MED1: variants seen among roughly 807,000 people sequenced by gnomAD.
MED1 encodes the protein mediator complex subunit 1.
Under a neutral mutation model 121.3 loss-of-function variants are expected in MED1, and 17 were observed. The ratio of observed to expected loss-of-function variants is 0.14; its 90% confidence interval spans 0.10 to 0.21. The LOEUF (loss-of-function observed/expected upper bound fraction) is 0.21, where lower values mean the gene tolerates loss of function less well. Among genes scored for constraint, MED1 ranks in the 10% least tolerant of loss-of-function variants. The pLI, the probability that MED1 is intolerant of heterozygous loss-of-function variation, is 1.00. For missense variants in MED1, 1,558 were observed against 1,919.4 expected (o/e 0.81, Z 3.52); for synonymous variants, 661 against 694.4 (o/e 0.95, Z 0.76).
chr17:39,423,278 G>C, intron 13 of MED1, 49 bp downstream of exon 13: 2 of 1,320,164 alleles, frequency 1.5e-6, no homozygotes, highest in Non-Finnish European at 2.2e-6. Context: ...TTATGATCTT[G>C]GGTCCAAACA....
chr17:39,430,990 G>T, intron 9 of MED1, 125 bp downstream of exon 9: 3 of 856,176 alleles, frequency 3.5e-6, no homozygotes, highest in Non-Finnish European at 5.6e-6. Flanking sequence ...CTGCACTCCA[G>T]CCTGGGCAAC....
chr17:39,415,224 T>C lies in MED1; in HGVS notation c.1393+20A>G, dbSNP rs1301407914. 7 of 1,605,878 alleles carry C rather than the reference T, an allele frequency of 4.4e-6. No homozygotes were observed. Among genetic ancestry groups the C allele is most frequent in the African/African-American group, 4.0e-5 (3 of 74,766 alleles). On this transcript the variant is annotated intron_variant, in intron 15 of 16. Transcript: ENST00000300651. ...GACCAAACCGCTCCATGAGAGGTGTTAGCCACCCACACAACTCACCACACA... is the reference window on the plus strand; with the variant it reads ...GACCAAACCGCTCCATGAGAGGTGTCAGCCACCCACACAACTCACCACACA...
chr17:39,437,025 C>T (rs763318855), intron 6 of MED1, among the ~76,000 whole-genome samples: 4 of 152,100 alleles, frequency 2.6e-5, no homozygotes, highest in South Asian at 2.1e-4. Context: ...CTCTGCCTCC[C>T]GGGTTCAAGC....
At chr17:39,418,306 A>G (rs1265498572) in intron 14 of MED1, among the ~76,000 whole-genome samples, 2 of 152,018 alleles carry the variant, frequency 1.3e-5, no homozygotes, top group Non-Finnish European at 2.9e-5. Flanking sequence ...TGGGAGGCCT[A>G]GTCAAGAGGA....
In MED1 at chr17:39,442,463, G is replaced by A. The variant is rs1268448443; in HGVS notation, c.211+1087C>T. ...ATACAAAACATTAGCCAGGCGTGGT[G>A]GGACGCGCCTGTAGTCCCAGCTGCT... On this transcript the variant is annotated intron_variant, in intron 3 of 16. Coordinates refer to ENST00000300651, the MANE Select transcript of MED1 (RefSeq NM_004774.4). Among the ~76,000 whole-genome samples the A allele has an allele frequency of 2.0e-4, 30 of 150,472 alleles. 1 individual carries two copies. Among genetic ancestry groups the A allele is most frequent in the Non-Finnish European group, 4.4e-5 (3 of 67,872 alleles).
At chr17:39,423,573 A>G (rs557367653) in intron 12 of MED1, 124 bp downstream of exon 12, 5 of 1,468,838 alleles carry the variant, frequency 3.4e-6, no homozygotes, top group African/African-American at 1.4e-5. Flanking sequence ...ACAAAGCACT[A>G]TAACATCTTT....
chr17:39,405,095 AG>A lies in MED1; in HGVS notation c.*2379del, dbSNP rs2048292670. The stretch of plus-strand genomic sequence containing the variant: ...TTGAAACAGAAGAATGAGTACACCT[AG>A]ACAGGAGGGAGGTGTCCCAGGCTTG... On this transcript the variant is annotated 3_prime_UTR_variant, in exon 17 of 17. Transcript: ENST00000300651. 2 of 1,054,328 alleles carry A rather than the reference AG, an allele frequency of 1.9e-6. No individual in the cohort carries two copies. Among genetic ancestry groups the A allele is most frequent in the Non-Finnish European group, 2.6e-6 (2 of 757,504 alleles). The allele number at this position is 1,054,328 out of a possible 1,614,324, so 65.3% of individuals were successfully genotyped here. A position where few individuals can be genotyped will look rare whatever the true frequency, so the allele number is the denominator to read the frequency against.
In MED1 at chr17:39,406,586, T is replaced by C. The variant is rs951174240; in HGVS notation, c.*889A>G. The C allele has an allele frequency of 5.1e-6, 5 of 975,038 alleles. No homozygotes were observed. In the East Asian group the frequency reaches 5.8e-4, roughly 113 times the overall value. The allele number at this position is 975,038 out of a possible 1,614,324, so 60.4% of individuals were successfully genotyped here. On this transcript the variant is annotated 3_prime_UTR_variant, in exon 17 of 17. Transcript: ENST00000300651. ...TTTTTTTTTTTTTTTGAAAGGAAAA[T>C]GAGATTACAAGTCAATACCTCCACA...
At chr17:39,425,907 C>A (rs2048510718) in intron 10 of MED1, among the ~76,000 whole-genome samples, 1 of 152,000 alleles carries the variant, frequency 6.6e-6, no homozygotes, top group South Asian at 2.1e-4. Flanking sequence ...CCAAAAACAT[C>A]ATTTTTGAAG....
Position 39,409,942 on chromosome 17 carries a change from T to C in MED1, c.2279A>G (p.Gln760Arg), listed in dbSNP as rs895625518. The change falls in exon 17 of 17, where the codon CAA becomes CGA. Residue 760 changes from glutamine to arginine, a missense_variant. Physicochemically the swap from Gln to Arg is conservative, Grantham distance 43. Transcript: ENST00000300651. ...TTYPQPVPHPQPSIQRMVRLS... is the reference protein window; with the variant it reads ...TTYPQPVPHPRPSIQRMVRLS... The stretch of plus-strand genomic sequence containing the variant: ...TCGGACCATCCTTTGAATACTGGGT[T>C]GGGGGTGAGGTACTGGTTGTGGGTA... The C allele has an allele frequency of 1.2e-6, 2 of 1,613,878 alleles. No homozygotes were observed. The highest frequency in any genetic ancestry group is 1.7e-5 in the Admixed American group (1 of 59,960).
intron 16 of MED1, among the ~76,000 whole-genome samples, chr17:39,411,692 A>G (rs1410772576): frequency 6.6e-6 from 1 of 151,606 alleles, no homozygotes; most frequent in East Asian, 2.0e-4. Context: ...AATTTATTTT[A>G]ATTAAGGAAC....
At chr17:39,438,971 A>C (rs554869651) in intron 6 of MED1, among the ~76,000 whole-genome samples, 194 bp downstream of exon 6, 36 of 152,274 alleles carry the variant, frequency 2.4e-4, no homozygotes, top group Middle Eastern at 6.8e-3. Flanking sequence ...AAAACAAAAA[A>C]ACCCTGGGAT....
At chr17:39,441,421 T>C (rs1400327403) in intron 3 of MED1, among the ~76,000 whole-genome samples, 1 of 152,180 alleles carries the variant, frequency 6.6e-6, no homozygotes, top group Non-Finnish European at 1.5e-5. Flanking sequence ...TACTGAACTA[T>C]ACACTTAGAA....
At chr17:39,434,582 CTCTT>C (rs776896308) in intron 6 of MED1, among the ~76,000 whole-genome samples, 11 of 152,302 alleles carry the variant, frequency 7.2e-5, no homozygotes, top group Non-Finnish European at 1.3e-4. Flanking sequence ...TGGGCAAAAT[CTCTT>C]TACCAGGTGT....
rs1430313267 is a variant in MED1, at chr17:39,408,480, T to A, written c.3741A>T (p.Ser1247=). 1.2e-6 allele frequency: 2 copies of A among 1,614,196 alleles called. No homozygotes were observed. Among genetic ancestry groups the A allele is most frequent in the Admixed American group, 3.3e-5 (2 of 60,012 alleles). ...TSSSSGMKSS[S]GLGSSGSLSQ... ...ACAACGAGCCTGAGGATCCTAACCC[T>A]GAAGATGACTTCATGCCAGAGCTTG... The change falls in exon 17 of 17, where the codon TCA becomes TCT. Residue 1247 remains serine, a synonymous_variant. Transcript: ENST00000300651. This position sits in a 1 kb window ranked among gnomAD's most constrained non-coding sequence, Gnocchi z 4.7.
chr17:39,409,921 A>G lies in MED1; in HGVS notation c.2300T>C (p.Val767Ala), dbSNP rs768393783. Reference sequence around the variant, plus strand: ...AATGCTGTCTGAACTGGATAGTCGGACCATCCTTTGAATACTGGGTTGGGG... The same window carrying G: ...AATGCTGTCTGAACTGGATAGTCGGGCCATCCTTTGAATACTGGGTTGGGG... ...PHPQPSIQRM[V>A]RLSSSDSIGP... is the part of the protein sequence containing the mutation. The change falls in exon 17 of 17, where the codon GTC (valine) becomes GCC (alanine). Residue 767 changes from valine to alanine, a missense_variant. Val to Ala is a moderately conservative substitution (Grantham distance 64). Transcript: ENST00000300651. The G allele has an allele frequency of 1.2e-6, 2 of 1,613,994 alleles. No homozygotes were observed. Among genetic ancestry groups the G allele is most frequent in the Non-Finnish European group, 1.7e-6 (2 of 1,179,998 alleles).
Position 39,442,513 on chromosome 17 carries a change from C to T in MED1, c.211+1037G>A, listed in dbSNP as rs374774771. Among the ~76,000 whole-genome samples the T allele has an allele frequency of 4.1e-5, 6 of 147,902 alleles. No individual in the cohort carries two copies. The East Asian group carries it at 1.2e-3, about 30-fold the overall frequency. On this transcript the variant is annotated intron_variant, in intron 3 of 16. Coordinates refer to ENST00000300651, the MANE Select transcript of MED1 (RefSeq NM_004774.4). ...TTGGGAGGCTGAGCCAGGAGAATCGCTTGAACCCAGGAGGTGGAGGTTGCA... is the reference window on the plus strand; with the variant it reads ...TTGGGAGGCTGAGCCAGGAGAATCGTTTGAACCCAGGAGGTGGAGGTTGCA...
At position 39,407,432 on chromosome 17, in the gene MED1, G is replaced by C. The variant is rs529645957; in HGVS notation, c.*43C>G. 3 of 1,548,796 alleles carry C rather than the reference G, an allele frequency of 1.9e-6. No individual in the cohort carries two copies. In the African/African-American group the frequency reaches 4.1e-5, roughly 21 times the overall value. On this transcript the variant is annotated 3_prime_UTR_variant, in exon 17 of 17. Transcript: ENST00000300651. ...TGGTTTGCCTATAAACTTATCAATA[G>C]TTTTTTTTCCTCTGGCCCTGTTTCT...
Position 39,411,387 on chromosome 17 carries a change from G to A in MED1, c.1500-666C>T, listed in dbSNP as rs561323147. ...TGCAATCCCAGCACTTTGGAAGGCCGAGGAGGGTGGATCACTTCGGGTCAG... is the reference window on the plus strand; with the variant it reads ...TGCAATCCCAGCACTTTGGAAGGCCAAGGAGGGTGGATCACTTCGGGTCAG... On this transcript the variant is annotated intron_variant, in intron 16 of 16. Transcript: ENST00000300651. Among the ~76,000 whole-genome samples the A allele has an allele frequency of 3.3e-5, 5 of 152,238 alleles. No homozygotes were observed. The South Asian group carries it at 8.3e-4, about 25-fold the overall frequency.
Sources: allele counts gnomAD v4.1 joint callset (sites outside exome capture counted in the v4.1 genomes callset), GRCh38; gene constraint gnomAD v4.1.1; non-coding constraint Gnocchi (gnomAD v3.1); transcripts MANE v1.5; gene names NCBI Gene and HGNC (gene_info 2026-07-23, HGNC 2026-07-21).